The following IMMP2L variants were observed in gnomAD, a reference collection of about 807,000 sequenced individuals.
IMMP2L encodes mitochondrial inner membrane protease subunit 2.
In IMMP2L, 18 loss-of-function variants were observed where a neutral mutation model predicts 19.3. The ratio of observed to expected loss-of-function variants is 0.93; its 90% CI spans 0.64 to 1.38. IMMP2L has a LOEUF of 1.38. Among genes scored for constraint, IMMP2L ranks in the 40% most tolerant of loss-of-function variants. IMMP2L has a pLI of 0.00. For synonymous variants in IMMP2L, 76 were observed against 73.0 expected, an observed-to-expected ratio of 1.04 and a Z score of -0.21; for missense variants, 233 against 218.2, an observed-to-expected ratio of 1.07 and a Z score of -0.43.
chr7:110,911,566 ACTC>A (rs1813058938), intron 4 of IMMP2L, among the ~76,000 whole-genome samples: 3 of 152,122 alleles, frequency 2.0e-5, no homozygotes, highest in Non-Finnish European at 4.4e-5. Context: ...AATGCTAAGA[ACTC>A]CTAATAATCC....
At chr7:110,860,035 T>A (rs892768138) in intron 5 of IMMP2L, among the ~76,000 whole-genome samples, 1 of 152,210 alleles carries the variant, frequency 6.6e-6, no homozygotes, top group East Asian at 1.9e-4. Flanking sequence ...CATGTGTCAT[T>A]GTTTAGTTTT....
intron 4 of IMMP2L, among the ~76,000 whole-genome samples, chr7:110,953,738 G>A (rs1221100791): frequency 2.6e-5 from 4 of 152,044 alleles, no homozygotes; most frequent in Admixed American, 6.6e-5. Flanking sequence ...TTCAGGAATC[G>A]CCACACTGTC....
At chr7:110,882,879 CT>C (rs1468147990) in intron 5 of IMMP2L, among the ~76,000 whole-genome samples, 1 of 151,634 alleles carries the variant, frequency 6.6e-6, no homozygotes, top group Non-Finnish European at 1.5e-5. Flanking sequence ...ATTATAGAAT[CT>C]AGTAATCTCT....
At chr7:111,084,488 G>A (rs934191521) in intron 3 of IMMP2L, among the ~76,000 whole-genome samples, 6 of 151,966 alleles carry the variant, frequency 3.9e-5, no homozygotes, top group Non-Finnish European at 7.4e-5. Flanking sequence ...ATGGATGCAC[G>A]GATAAAGAGA....
intron 5 of IMMP2L, among the ~76,000 whole-genome samples, chr7:110,800,718 T>C (rs932283577): frequency 6.6e-6 from 1 of 152,096 alleles, no homozygotes; most frequent in African/African-American, 2.4e-5. Flanking sequence ...GCAAAGGACA[T>C]GCGCACATTT....
intron 3 of IMMP2L, among the ~76,000 whole-genome samples, chr7:111,049,136 CTTTTT>C (rs869087664): frequency 1.8e-4 from 2 of 10,930 alleles, no homozygotes; most frequent in African/African-American, 3.9e-4. Flanking sequence ...TTTTTTTTTT[CTTTTT>C]TTTTTTTGGG....
intron 4 of IMMP2L, among the ~76,000 whole-genome samples, chr7:110,899,693 A>G (rs1339004106): frequency 6.6e-6 from 1 of 152,064 alleles, no homozygotes; most frequent in Admixed American, 6.6e-5. Flanking sequence ...AATATAGGAC[A>G]TTTTTGTTTT....
intron 3 of IMMP2L, among the ~76,000 whole-genome samples, chr7:111,377,713 A>G (rs2131181229): frequency 6.6e-6 from 1 of 151,972 alleles, no homozygotes; most frequent in South Asian, 2.1e-4. Flanking sequence ...TGCTTAGATA[A>G]TCTCTGAGTT....
chr7:111,031,408 G>GTGTGTGTGTGTGTGTA (rs71151825), intron 3 of IMMP2L, among the ~76,000 whole-genome samples: 5 of 13,928 alleles, frequency 3.6e-4, no homozygotes, highest in South Asian at 1.8e-3. Flanking sequence ...GTGTGTGTGT[G>GTGTGTGTGTGTGTGTA]AGAGAAAGAG....
intron 3 of IMMP2L, among the ~76,000 whole-genome samples, chr7:111,046,676 A>C (rs1268835115): frequency 6.6e-6 from 1 of 152,238 alleles, no homozygotes; most frequent in Non-Finnish European, 1.5e-5. Flanking sequence ...TGAGCTACAT[A>C]AAAGATGAAT....
At chr7:111,031,933 G>GTTTTTT (rs1397197936) in intron 3 of IMMP2L, among the ~76,000 whole-genome samples, 1 of 87,134 alleles carries the variant, frequency 1.1e-5, no homozygotes, top group African/African-American at 4.9e-5. Flanking sequence ...AAACACCAGA[G>GTTTTTT]ATTTTTTTTT....
intron 2 of IMMP2L, 91 bp downstream of exon 2, chr7:111,521,222 C>T: frequency 7.4e-7 from 1 of 1,348,320 alleles, no homozygotes; most frequent in Non-Finnish European, 1.0e-6. Flanking sequence ...TTTCAGTTCC[C>T]AGAATAGGAA....
chr7:111,492,921 T>C (rs1326778192), intron 2 of IMMP2L, among the ~76,000 whole-genome samples: 1 of 152,174 alleles, frequency 6.6e-6, no homozygotes, highest in Non-Finnish European at 1.5e-5. Context: ...TTAATAGGTA[T>C]CTGCCTACAG....
chr7:111,523,974 T>A (rs1243503674), intron 1 of IMMP2L, among the ~76,000 whole-genome samples: 4 of 152,096 alleles, frequency 2.6e-5, no homozygotes, highest in African/African-American at 9.7e-5. Context: ...ATTTTATATA[T>A]CTCTACAAAA....
chr7:110,729,950 G>C (rs1369331364), intron 5 of IMMP2L, among the ~76,000 whole-genome samples: 1 of 150,518 alleles, frequency 6.6e-6, no homozygotes, highest in African/African-American at 2.4e-5. Flanking sequence ...TTTTTAAAAA[G>C]CAACGCATCT....
At chr7:111,206,546 G>A (rs1156641343) in intron 3 of IMMP2L, among the ~76,000 whole-genome samples, 3 of 151,748 alleles carry the variant, frequency 2.0e-5, no homozygotes, top group Non-Finnish European at 2.9e-5. Flanking sequence ...CATTTATGGG[G>A]TACATGAGAT....
chr7:110,970,367 T>G, intron 3 of IMMP2L, among the ~76,000 whole-genome samples: 1 of 152,238 alleles, frequency 6.6e-6, no homozygotes, highest in Middle Eastern at 3.4e-3. Context: ...TAGAATAATT[T>G]GTATGTAAAT....
intron 3 of IMMP2L, among the ~76,000 whole-genome samples, chr7:111,262,920 C>A (rs897559532): frequency 6.6e-6 from 1 of 152,032 alleles, no homozygotes; most frequent in African/African-American, 2.4e-5. Flanking sequence ...TGATACTGGG[C>A]AAGATCTCTA....
intron 5 of IMMP2L, among the ~76,000 whole-genome samples, chr7:110,799,633 A>T (rs887076924): frequency 6.6e-6 from 1 of 152,070 alleles, no homozygotes; most frequent in Non-Finnish European, 1.5e-5. Context: ...GAGGAACTAC[A>T]GTATATAATT....
Sources: allele counts gnomAD v4.1 joint callset (sites outside exome capture counted in the v4.1 genomes callset), GRCh38; gene constraint gnomAD v4.1.1; transcripts MANE v1.5; gene names NCBI Gene and HGNC (gene_info 2026-07-23, HGNC 2026-07-21).